The following TEAD1 variants were observed in gnomAD, a reference collection of about 807,000 sequenced individuals.
TEAD1 encodes the protein TEA domain transcription factor 1, also known as transcriptional enhancer factor TEF-1.
In TEAD1, 9 loss-of-function variants were observed where a neutral mutation model predicts 54.9. The ratio of observed to expected loss-of-function variants is 0.16; its 90% confidence interval spans 0.10 to 0.29. The LOEUF is 0.29. TEAD1 is among the 10% of genes least tolerant of loss of function. The pLI is 1.00. For missense variants in TEAD1, 387 were observed against 535.9 expected (o/e 0.72, Z 2.74); for synonymous variants, 200 against 187.8 (o/e 1.07, Z -0.53).
chr11:12,747,359 G>A (rs766077977), intron 2 of TEAD1, among the ~76,000 whole-genome samples: 5 of 151,382 alleles, frequency 3.3e-5, no homozygotes, highest in Admixed American at 6.6e-5. Context: ...TTTTTGAGAC[G>A]ATGTCTTGCT....
intron 3 of TEAD1, among the ~76,000 whole-genome samples, chr11:12,773,283 A>G (rs577572286): frequency 6.6e-6 from 1 of 152,360 alleles, no homozygotes; most frequent in East Asian, 1.9e-4. Flanking sequence ...CATGGGATAA[A>G]TGCCCACGAG....
At chr11:12,752,427 T>C (rs1239717796) in intron 2 of TEAD1, among the ~76,000 whole-genome samples, 1 of 152,130 alleles carries the variant, frequency 6.6e-6, no homozygotes, top group Non-Finnish European at 1.5e-5. Context: ...TTCCAGTCAG[T>C]ACTCCCAACC....
chr11:12,777,529 G>T (rs1206851781), intron 3 of TEAD1, among the ~76,000 whole-genome samples: 12 of 152,200 alleles, frequency 7.9e-5, no homozygotes, highest in Admixed American at 7.2e-4. Context: ...TTTATTGAGA[G>T]AGGTTTGGTG....
intron 11 of TEAD1, among the ~76,000 whole-genome samples, chr11:12,926,077 T>C (rs1948898944): frequency 6.6e-6 from 1 of 152,228 alleles, no homozygotes; most frequent in Non-Finnish European, 1.5e-5. Flanking sequence ...TAGTGTCTTC[T>C]ATCCATCACC....
chr11:12,781,516 T>A (rs1031510664), intron 3 of TEAD1, among the ~76,000 whole-genome samples: 1 of 152,038 alleles, frequency 6.6e-6, no homozygotes, highest in Non-Finnish European at 1.5e-5. Context: ...AGGATCTGAC[T>A]GGACCTTTCC....
chr11:12,747,634 C>T (rs935084307), intron 2 of TEAD1, among the ~76,000 whole-genome samples: 4 of 152,070 alleles, frequency 2.6e-5, no homozygotes, highest in East Asian at 1.9e-4. Flanking sequence ...CCACGCCTGG[C>T]CTATTAGTTT....
At chr11:12,727,377 C>A (rs1348051101) in intron 2 of TEAD1, among the ~76,000 whole-genome samples, 1 of 152,136 alleles carries the variant, frequency 6.6e-6, no homozygotes, top group Admixed American at 6.5e-5. Flanking sequence ...GAATGAAGAG[C>A]TGTGAATCGG....
intron 3 of TEAD1, among the ~76,000 whole-genome samples, chr11:12,855,746 C>G (rs796976664): frequency 6.6e-6 from 1 of 151,848 alleles, no homozygotes; most frequent in African/African-American, 2.4e-5. Context: ...GAGTTCGAGA[C>G]TAGCCTGGGC....
chr11:12,693,013 C>T (rs1943494683), intron 2 of TEAD1, among the ~76,000 whole-genome samples: 1 of 152,136 alleles, frequency 6.6e-6, no homozygotes. Context: ...CCCTACTGGT[C>T]CTGTGCTTAA....
intron 2 of TEAD1, among the ~76,000 whole-genome samples, chr11:12,721,338 C>G (rs116868666): frequency 0.014 from 2,095 of 152,166 alleles, 25 homozygotes; most frequent in Non-Finnish European, 0.021. Context: ...CTGGCTCTTG[C>G]GAGTGCCTAC....
chr11:12,857,341 C>T (rs1488850219), intron 3 of TEAD1, among the ~76,000 whole-genome samples: 1 of 152,178 alleles, frequency 6.6e-6, no homozygotes, highest in African/African-American at 2.4e-5. Context: ...ACTACAGCAT[C>T]TGAGGCTTAA....
intron 11 of TEAD1, among the ~76,000 whole-genome samples, chr11:12,926,823 G>C (rs1180822215): frequency 2.0e-5 from 3 of 152,156 alleles, no homozygotes; most frequent in Non-Finnish European, 4.4e-5. Context: ...AAGCCCAGGA[G>C]GTGAGAAGGT....
chr11:12,929,944 CTCA>C (rs1194101747), intron 11 of TEAD1, among the ~76,000 whole-genome samples: 1 of 151,996 alleles, frequency 6.6e-6, no homozygotes, highest in African/African-American at 2.4e-5. Flanking sequence ...TCTTAAAGCT[CTCA>C]TCTTTCCAAC....
chr11:12,831,772 C>G (rs576815544), intron 3 of TEAD1, among the ~76,000 whole-genome samples: 1 of 143,446 alleles, frequency 7.0e-6, no homozygotes, highest in Non-Finnish European at 1.5e-5. Context: ...CAGAGTGAGA[C>G]GCTGTCTCAA....
At chr11:12,920,819 A>C (rs1212549598) in intron 10 of TEAD1, among the ~76,000 whole-genome samples, 1 of 152,212 alleles carries the variant, frequency 6.6e-6, no homozygotes, top group Admixed American at 6.5e-5. Context: ...ACACAAACTT[A>C]TTGCAGCATC....
intron 3 of TEAD1, among the ~76,000 whole-genome samples, chr11:12,827,181 G>T (rs1207211766): frequency 6.6e-6 from 1 of 152,214 alleles, no homozygotes; most frequent in East Asian, 1.9e-4. Context: ...ATCAGCAGTG[G>T]ACTATGCCTG....
At chr11:12,882,006 A>T in intron 8 of TEAD1, 49 bp downstream of exon 8, 1 of 1,591,096 alleles carries the variant, frequency 6.3e-7, no homozygotes, top group Non-Finnish European at 8.6e-7. Context: ...CACACAGCTG[A>T]CAGCTGGGTC....
intron 2 of TEAD1, among the ~76,000 whole-genome samples, chr11:12,735,193 AC>A (rs1944504785): frequency 6.6e-6 from 1 of 152,128 alleles, no homozygotes; most frequent in African/African-American, 2.4e-5. Context: ...GGTTAGAAAT[AC>A]TGAGGGTTTC....
At chr11:12,745,032 A>T (rs1480448644) in intron 2 of TEAD1, among the ~76,000 whole-genome samples, 1 of 152,158 alleles carries the variant, frequency 6.6e-6, no homozygotes, top group Non-Finnish European at 1.5e-5. Flanking sequence ...GCTAATTTTA[A>T]ACCTGGTCAG....
Sources: allele counts gnomAD v4.1 joint callset (sites outside exome capture counted in the v4.1 genomes callset), GRCh38; gene constraint gnomAD v4.1.1; transcripts MANE v1.5; gene names NCBI Gene and HGNC (gene_info 2026-07-23, HGNC 2026-07-21).